The following ABCA10 variants were observed in gnomAD, a reference collection of about 807,000 sequenced individuals.
ABCA10 encodes ATP binding cassette subfamily A member 10, also known as ATP-binding cassette sub-family A member 10.
Under a neutral mutation model 187.5 loss-of-function variants are expected in ABCA10, and 169 were observed. That is an observed-to-expected ratio of 0.90 (90% CI 0.80 to 1.02). The LOEUF (loss-of-function observed/expected upper bound fraction) is 1.02. ABCA10 is among the 50% of genes least tolerant of loss of function. The pLI is 0.00. For synonymous variants in ABCA10, 574 were observed against 601.8 expected (o/e 0.95, Z 0.68); for missense variants, 1,727 against 1,812.4 (o/e 0.95, Z 0.86).
intron 10 of ABCA10, among the ~76,000 whole-genome samples, chr17:69,198,512 C>T: frequency 6.6e-6 from 1 of 152,178 alleles, no homozygotes; most frequent in East Asian, 1.9e-4. Flanking sequence ...ACAAGGACTG[C>T]TTTGCTACTG....
chr17:69,216,357 G>C lies in ABCA10; in HGVS notation c.532C>G (p.Leu178Val), dbSNP rs1348284648. The change falls in exon 7 of 39, where the codon CTC becomes GTC. Residue 178 changes from leucine to valine, a missense_variant and splice_region_variant. Physicochemically the swap from Leu to Val is conservative, Grantham distance 32 (BLOSUM62 1). Coordinates refer to ENST00000690296, the MANE Select transcript of ABCA10 (RefSeq NM_001377321.1). ...CAAATGTATGTCAATCCCCAGGAGA[G>C]CCTATAGTAGAAACAAGGTGTTAGT... ...VMGLRESAFWLSWGLTYICFI... is the reference protein window; with the variant it reads ...VMGLRESAFWVSWGLTYICFI... 1 of 1,607,406 alleles carries C rather than the reference G, an allele frequency of 6.2e-7. No homozygotes were observed. Among genetic ancestry groups the C allele is most frequent in the African/African-American group, 1.3e-5 (1 of 74,610 alleles).
chr17:69,232,854 T>C (rs1450880739), upstream of ABCA10: 1 of 152,202 alleles, frequency 6.6e-6, no homozygotes, highest in East Asian at 1.9e-4. Flanking sequence ...CAGTTTTATT[T>C]TCCTTCAGTA....
chr17:69,195,889 A>G (rs1305358011), intron 11 of ABCA10, among the ~76,000 whole-genome samples: 1 of 152,096 alleles, frequency 6.6e-6, no homozygotes, highest in East Asian at 1.9e-4. Flanking sequence ...AAGGCCATAG[A>G]TTAACCGCAT....
chr17:69,159,574 C>T (rs578046146), intron 27 of ABCA10, among the ~76,000 whole-genome samples: 4 of 152,058 alleles, frequency 2.6e-5, no homozygotes, highest in African/African-American at 9.6e-5. Flanking sequence ...CAGAGAGAAG[C>T]AACAATACAA....
At chr17:69,228,225 A>G (rs2074808278) in intron 1 of ABCA10, among the ~76,000 whole-genome samples, 1 of 151,972 alleles carries the variant, frequency 6.6e-6, no homozygotes, top group Non-Finnish European at 1.5e-5. Context: ...ACATTTTAAA[A>G]GAACAAAAGA....
chr17:69,196,458 G>A (rs1434534493), intron 11 of ABCA10: 4 of 177,344 alleles, frequency 2.3e-5, no homozygotes, highest in East Asian at 1.8e-4. Context: ...GACGATGGGC[G>A]GCGGGGCAGA....
rs1236036846 is a variant in ABCA10, at chr17:69,154,221, C to T, written c.3786+14G>A. 52 of 1,580,428 alleles carry T rather than the reference C, an allele frequency of 3.3e-5. No individual in the cohort carries two copies. Among genetic ancestry groups the T allele is most frequent in the Non-Finnish European group, 4.4e-5 (51 of 1,164,422 alleles). On this transcript the variant is annotated intron_variant, in intron 31 of 38. Coordinates refer to ENST00000690296, the MANE Select transcript of ABCA10 (RefSeq NM_001377321.1). ...TCAATATTTAAAATAAAATTTCCTT[C>T]ACATGTCACATACCACTCCTGCAGT...
Position 69,194,442 on chromosome 17 carries a change from C to T in ABCA10, c.1288G>A (p.Gly430Arg). 6.2e-7 allele frequency: 1 copy of T among 1,613,280 alleles called. No homozygotes were observed. The highest frequency in any genetic ancestry group is 8.5e-7 in the Non-Finnish European group (1 of 1,179,534). The change falls in exon 12 of 39, where the codon GGA becomes AGA. Residue 430 changes from glycine to arginine, a missense_variant. Transcript: ENST00000690296. ...GQITAILGHN[G>R]AGKSTLLNIL... ...TTTAGCAGTGTTGATTTACCAGCTCCATTATGCCCAAGTATTGCAGTGATC... is the reference window on the plus strand; with the variant it reads ...TTTAGCAGTGTTGATTTACCAGCTCTATTATGCCCAAGTATTGCAGTGATC...
chr17:69,211,055 T>C lies in ABCA10; in HGVS notation c.1006+3649A>G, dbSNP rs140421021. 9.2e-3 allele frequency among the ~76,000 whole-genome samples: 1,379 copies of C among 150,616 alleles called. 15 individuals are homozygous for C. Among genetic ancestry groups the C allele is most frequent in the African/African-American group, 0.031 (1,265 of 41,030 alleles). On this transcript the variant is annotated intron_variant, in intron 9 of 38. Transcript: ENST00000690296. ...GGAATGTAAACTTGTACAACCACTA[T>C]GGAAAACAGTACGGAGATTCCTTAA...
chr17:69,154,034 T>C (rs769183262), intron 31 of ABCA10, 25 bp from the exon 32 acceptor site: 8 of 1,606,378 alleles, frequency 5.0e-6, no homozygotes, highest in Non-Finnish European at 6.0e-6. Flanking sequence ...GAATGTCAGA[T>C]TCACCTTTGG....
At chr17:69,186,203 G>A (rs1039091397) in intron 19 of ABCA10, among the ~76,000 whole-genome samples, 3 of 151,986 alleles carry the variant, frequency 2.0e-5, no homozygotes, top group African/African-American at 7.3e-5. Context: ...AATAAGCCAT[G>A]AGTCCACTCT....
chr17:69,169,712 G>A (rs1324931343), intron 25 of ABCA10, among the ~76,000 whole-genome samples: 1 of 152,202 alleles, frequency 6.6e-6, no homozygotes, highest in East Asian at 1.9e-4. Flanking sequence ...AGGTAGCACT[G>A]CAAAGCAGTG....
chr17:69,175,485 A>G lies in ABCA10; in HGVS notation c.2798T>C (p.Ile933Thr), dbSNP rs965958500. Residue 933 changes from isoleucine to threonine, a missense_variant, in exon 23 of 39, where the codon ATA becomes ACA. Transcript: ENST00000690296. ...CAACAACAAAAATATGGACCCATCT[A>G]TAAAACCAAGATCCAGCACTATGTC... ...RDDIVLDLGFIDGSIFLLLIT... is the reference protein window; with the variant it reads ...RDDIVLDLGFTDGSIFLLLIT... 1.9e-6 allele frequency: 3 copies of G among 1,611,534 alleles called. No homozygotes were observed. The African/African-American group carries it at 4.0e-5, about 22-fold the overall frequency.
intron 20 of ABCA10, among the ~76,000 whole-genome samples, chr17:69,183,557 G>C (rs2074396852): frequency 1.3e-5 from 2 of 152,118 alleles, no homozygotes; most frequent in African/African-American, 4.8e-5. Context: ...GGTGTGAAAG[G>C]GCAATGTGTG....
At chr17:69,152,977 T>C (rs1301220971) in intron 34 of ABCA10, among the ~76,000 whole-genome samples, 2 of 151,752 alleles carry the variant, frequency 1.3e-5, no homozygotes, top group African/African-American at 4.8e-5. Flanking sequence ...AGTAGGAAAG[T>C]TGGAGTAAAA....
chr17:69,171,808 T>C (rs1185527669), intron 25 of ABCA10, among the ~76,000 whole-genome samples: 1 of 151,844 alleles, frequency 6.6e-6, no homozygotes, highest in East Asian at 1.9e-4. Flanking sequence ...ACTGTCAACC[T>C]AGAAATGCAT....
chr17:69,193,861 C>G lies in ABCA10; in HGVS notation c.1474G>C (p.Val492Leu), dbSNP rs1269281444. Residue 492 changes from valine to leucine, a missense_variant, in exon 13 of 39, where the codon GTA becomes CTA. Physicochemically the swap from Val to Leu is conservative, Grantham distance 32. Transcript: ENST00000690296. ...DFLTVRENLR[V>L]FAKIKGIQPK... ...TGAATCCCTTTTATTTTAGCAAATA[C>G]CCTGAGGTTTTCTCTCACAGTGAGG... The G allele has an allele frequency of 1.2e-6, 2 of 1,613,464 alleles. No individual in the cohort carries two copies. Among genetic ancestry groups the G allele is most frequent in the Non-Finnish European group, 1.7e-6 (2 of 1,179,750 alleles).
intron 1 of ABCA10, among the ~76,000 whole-genome samples, chr17:69,236,103 A>AT (rs2144865208): frequency 6.6e-6 from 1 of 152,300 alleles, no homozygotes; most frequent in East Asian, 1.9e-4. Flanking sequence ...CTATATATAT[A>AT]TGGCCAAGTC....
chr17:69,223,609 T>C (rs934208880), intron 3 of ABCA10: 6 of 402,554 alleles, frequency 1.5e-5, no homozygotes, highest in Non-Finnish European at 2.9e-5. Flanking sequence ...AAGCTGTTTA[T>C]TTTATGCTGT....
Sources: gnomAD v4.1 joint callset for allele counts (sites outside exome capture counted in the v4.1 genomes callset) on GRCh38, gnomAD v4.1.1 for gene constraint, MANE v1.5 for transcripts, NCBI Gene and HGNC (gene_info 2026-07-23, HGNC 2026-07-21) for gene names.